The following ARL3 variants were observed in gnomAD, a reference collection of about 807,000 sequenced individuals.
ARL3 encodes the protein ARF like GTPase 3, also known as ADP-ribosylation factor-like protein 3.
A neutral mutation model predicts 26.0 loss-of-function variants in ARL3; 9 were observed. The observed-to-expected ratio is 0.35, with a 90% CI of 0.21 to 0.60. The LOEUF (loss-of-function observed/expected upper bound fraction) is 0.60, where lower values mean the gene tolerates loss of function less well. ARL3 is among the 20% of genes least tolerant of loss of function. ARL3 has a pLI of 0.78. For synonymous variants in ARL3, 71 were observed against 78.4 expected (o/e 0.91, Z 0.50); for missense variants, 158 against 215.7 (o/e 0.73, Z 1.67).
chr10:102,708,349 G>A (rs559440090), intron 1 of ARL3, among the ~76,000 whole-genome samples: 33 of 152,196 alleles, frequency 2.2e-4, no homozygotes, highest in African/African-American at 6.5e-4. Flanking sequence ...GGGGACTGGT[G>A]ACATAAAAAG....
intron 5 of ARL3, among the ~76,000 whole-genome samples, chr10:102,684,636 TTTTA>T (rs1177434570): frequency 1.3e-5 from 2 of 152,032 alleles, no homozygotes; most frequent in African/African-American, 4.8e-5. Flanking sequence ...GATTGTTTAT[TTTTA>T]TTTATTTATT....
intron 1 of ARL3, among the ~76,000 whole-genome samples, chr10:102,707,375 TAAG>T (rs2136009768): frequency 1.3e-5 from 2 of 151,948 alleles, no homozygotes; most frequent in South Asian, 4.2e-4. Flanking sequence ...GTTAAGAACA[TAAG>T]AACATCTTTA....
chr10:102,678,078 A>G (rs1180602088), intron 5 of ARL3, among the ~76,000 whole-genome samples: 1 of 152,214 alleles, frequency 6.6e-6, no homozygotes, highest in African/African-American at 2.4e-5. Context: ...TCTGACCGTC[A>G]CCTGAATTTA....
chr10:102,705,529 C>T (rs1369849405), intron 1 of ARL3, 40 bp from the exon 2 acceptor site: 1 of 1,499,196 alleles, frequency 6.7e-7, no homozygotes, highest in East Asian at 2.4e-5. Context: ...TCTGGGGGCA[C>T]TGACTGTGAT....
intron 5 of ARL3, 52 bp downstream of exon 5, chr10:102,685,764 A>C: frequency 6.6e-7 from 1 of 1,523,300 alleles, no homozygotes; most frequent in Non-Finnish European, 8.9e-7. Context: ...GAGACAGACC[A>C]CCTCGGTTAG....
chr10:102,691,962 C>T (rs2064220392), intron 3 of ARL3, among the ~76,000 whole-genome samples: 1 of 152,166 alleles, frequency 6.6e-6, no homozygotes, highest in Admixed American at 6.5e-5. Context: ...TAATCTCAAA[C>T]AGCACTGGAA....
At chr10:102,699,248 T>C (rs2064265364) in intron 3 of ARL3, 125 bp downstream of exon 3, 2 of 704,544 alleles carry the variant, frequency 2.8e-6, no homozygotes, top group Non-Finnish European at 5.1e-6. Flanking sequence ...CTGCTATCCC[T>C]GCTAAATTCA....
chr10:102,700,094 G>T (rs926544512), intron 2 of ARL3, among the ~76,000 whole-genome samples: 1 of 152,150 alleles, frequency 6.6e-6, no homozygotes, highest in East Asian at 1.9e-4. Context: ...GACACTGATG[G>T]AAACAAACAA....
intron 2 of ARL3, among the ~76,000 whole-genome samples, chr10:102,701,808 T>C (rs2064280789): frequency 6.6e-6 from 1 of 152,026 alleles, no homozygotes; most frequent in Admixed American, 6.6e-5. Context: ...TAATGATGAA[T>C]GGGCAAAAAC....
At chr10:102,713,078 TTTTTTTG>T (rs1239821742) in intron 1 of ARL3, among the ~76,000 whole-genome samples, 1 of 15,928 alleles carries the variant, frequency 6.3e-5, no homozygotes, top group Non-Finnish European at 3.2e-4. Context: ...GGGCATCTAG[TTTTTTTG>T]TTTTTTTTTT....
chr10:102,705,348 G>C lies in ARL3; in HGVS notation c.145C>G (p.Gln49Glu). ...SEDISHITPT[Q>E]GFNIKSVQSQ... ...TCTGGAGCCAAGGCAGTGCTCACCT[G>C]TGTAGGTGTGATGTGGCTGATGTCT... Residue 49 changes from glutamine (Q) to glutamate (E), a missense_variant and splice_region_variant, in exon 2 of 6, where the codon CAG (glutamine) becomes GAG (glutamate). Physicochemically the swap from Gln to Glu is conservative, Grantham distance 29. Transcript: ENST00000260746. The C allele has an allele frequency of 6.2e-7, 1 of 1,602,392 alleles. No individual in the cohort carries two copies. The highest frequency in any genetic ancestry group is 2.2e-5 in the East Asian group (1 of 44,640).
chr10:102,688,432 T>C (rs1255244410), intron 4 of ARL3, among the ~76,000 whole-genome samples: 1 of 152,180 alleles, frequency 6.6e-6, no homozygotes, highest in Non-Finnish European at 1.5e-5. Context: ...ACTGCTACCT[T>C]TGGAAGGCCA....
rs947655823 is a variant in ARL3, at chr10:102,689,411, T to C, written c.315+482A>G. The stretch of plus-strand genomic sequence containing the variant: ...TTGCCTGCTTGCTAGAATAACTGTC[T>C]TGTTTGAACTGTAAAGGTTAACAAA... On this transcript the variant is annotated intron_variant, in intron 4 of 5. Transcript: ENST00000260746. Among the ~76,000 whole-genome samples the C allele has an allele frequency of 2.0e-5, 3 of 152,336 alleles. No homozygotes were observed. The East Asian group carries it at 5.8e-4, about 29-fold the overall frequency.
rs1427042069 is a variant in ARL3 at position 102,700,887 on chromosome 10, G to A, written c.148-1398C>T. Among the ~76,000 whole-genome samples, 7 of 149,802 alleles carry A rather than the reference G, an allele frequency of 4.7e-5. No individual in the cohort carries two copies. In the East Asian group the frequency reaches 6.0e-4, roughly 13 times the overall value. On this transcript the variant is annotated intron_variant, in intron 2 of 5. Transcript: ENST00000260746. ...CGAGTAGCTGGGATTACAGGCATGC[G>A]CCACCATGCCTGGCTAATTTTGTAT...
intron 4 of ARL3, among the ~76,000 whole-genome samples, chr10:102,687,920 T>C (rs535881332): frequency 6.6e-6 from 1 of 152,162 alleles, no homozygotes; most frequent in Non-Finnish European, 1.5e-5. Context: ...CAAATAACTT[T>C]CAATGCGTGT....
rs2064224326 is a variant in ARL3 at position 102,692,577 on chromosome 10, G to A, written c.265-2634C>T. 2.0e-5 allele frequency among the ~76,000 whole-genome samples: 3 copies of A among 151,814 alleles called. No homozygotes were observed. In the South Asian group the frequency reaches 6.2e-4, roughly 32 times the overall value. ...ATTACAGGCATGTGCCACCACACCT[G>A]GCTAATTTTTATATTTTTAGCAGAG... On this transcript the variant is annotated intron_variant, in intron 3 of 5. Coordinates refer to ENST00000260746, the MANE Select transcript of ARL3 (RefSeq NM_004311.4).
At chr10:102,711,467 A>G (rs1214361608) in intron 1 of ARL3, among the ~76,000 whole-genome samples, 1 of 151,948 alleles carries the variant, frequency 6.6e-6, no homozygotes. Context: ...GAAAATAGGA[A>G]CAGGCCGGGC....
intron 3 of ARL3, among the ~76,000 whole-genome samples, chr10:102,693,044 A>G (rs1251750238): frequency 4.6e-5 from 7 of 152,208 alleles, no homozygotes; most frequent in South Asian, 2.1e-4. Flanking sequence ...TTATCATTGA[A>G]CAATATTCTA....
intron 3 of ARL3, among the ~76,000 whole-genome samples, chr10:102,697,165 T>C (rs2064253030): frequency 6.6e-6 from 1 of 152,186 alleles, no homozygotes; most frequent in South Asian, 2.1e-4. Flanking sequence ...ATATAAATTT[T>C]TCAGCTTTAT....
Sources: gnomAD v4.1 joint callset for allele counts (sites outside exome capture counted in the v4.1 genomes callset) on GRCh38, gnomAD v4.1.1 for gene constraint, MANE v1.5 for transcripts, NCBI Gene and HGNC (gene_info 2026-07-23, HGNC 2026-07-21) for gene names.